FBXL17: variants seen among roughly 807,000 people sequenced by gnomAD.
FBXL17 encodes F-box and leucine rich repeat protein 17.
A neutral mutation model predicts 66.2 loss-of-function variants in FBXL17; 22 were observed. The observed-to-expected ratio is 0.33, with a 90% confidence interval of 0.24 to 0.47. The LOEUF (loss-of-function observed/expected upper bound fraction) is 0.47, where lower values mean the gene tolerates loss of function less well. Ranked by LOEUF, FBXL17 falls within the 20% of genes least tolerant of loss-of-function variation. The pLI, the probability that FBXL17 is intolerant of heterozygous loss-of-function variation, is 1.00. For missense variants in FBXL17, 878 were observed against 948.2 expected, an observed-to-expected ratio of 0.93 and a Z score of 0.97; for synonymous variants, 474 against 400.5, an observed-to-expected ratio of 1.18 and a Z score of -2.19.
chr5:108,079,063 G>T (rs1422794139), intron 6 of FBXL17, among the ~76,000 whole-genome samples: 4 of 151,740 alleles, frequency 2.6e-5, no homozygotes, highest in Non-Finnish European at 5.9e-5. Flanking sequence ...GGTCCAGGCT[G>T]GTCTCAAACT....
intron 6 of FBXL17, among the ~76,000 whole-genome samples, chr5:108,048,183 A>G (rs1179713337): frequency 6.6e-6 from 1 of 152,222 alleles, no homozygotes; most frequent in African/African-American, 2.4e-5. Flanking sequence ...TGAACCCCCA[A>G]CAAACTGAAG....
At chr5:107,985,589 A>G (rs1166943916) in intron 7 of FBXL17, among the ~76,000 whole-genome samples, 1 of 152,174 alleles carries the variant, frequency 6.6e-6, no homozygotes, top group African/African-American at 2.4e-5. Flanking sequence ...TACACTGCTG[A>G]GAAACATAAA....
In FBXL17 at chr5:108,227,070, T is replaced by G. The variant is rs141662457; in HGVS notation, c.1507-2842A>C. Among the ~76,000 whole-genome samples the G allele has an allele frequency of 3.9e-3, 589 of 152,278 alleles. 8 individuals are homozygous for G. Among genetic ancestry groups the G allele is most frequent in the African/African-American group, 0.013 (558 of 41,562 alleles). ...CTCTAGAAAGATATACAGACAGACGTACAGACAATATCCTAATGGTTCTGT... is the reference window on the plus strand; with the variant it reads ...CTCTAGAAAGATATACAGACAGACGGACAGACAATATCCTAATGGTTCTGT... On this transcript the variant is annotated intron_variant, in intron 4 of 8. Coordinates refer to ENST00000542267, the MANE Select transcript of FBXL17 (RefSeq NM_001163315.3).
intron 4 of FBXL17, among the ~76,000 whole-genome samples, chr5:108,230,559 G>A (rs1026797710): frequency 6.6e-6 from 1 of 152,058 alleles, no homozygotes; most frequent in South Asian, 2.1e-4. Context: ...ATGGACTTTG[G>A]AGACTCAGAG....
At chr5:108,310,882 G>A (rs1338089799) in intron 4 of FBXL17, among the ~76,000 whole-genome samples, 1 of 152,160 alleles carries the variant, frequency 6.6e-6, no homozygotes, top group Admixed American at 6.6e-5. Context: ...AAAGTCCACA[G>A]ACAATTTTAC....
chr5:108,378,205 G>A (rs1749578970), intron 1 of FBXL17, among the ~76,000 whole-genome samples: 1 of 150,558 alleles, frequency 6.6e-6, no homozygotes, highest in Admixed American at 6.6e-5. Context: ...ATATAGTTTA[G>A]TTTCTCTCCT....
At chr5:107,896,002 C>T (rs1749369700) in intron 7 of FBXL17, among the ~76,000 whole-genome samples, 1 of 152,164 alleles carries the variant, frequency 6.6e-6, no homozygotes, top group Admixed American at 6.5e-5. Flanking sequence ...GGCTCATCAA[C>T]ATGGTCTGTC....
intron 8 of FBXL17, chr5:107,878,247 T>C: frequency 1.0e-6 from 1 of 964,308 alleles, no homozygotes; most frequent in Non-Finnish European, 1.2e-6. Context: ...TTTTTTCCTT[T>C]CTTTTTAATT....
chr5:108,381,955 G>A lies in FBXL17; in HGVS notation c.-264C>T. The stretch of plus-strand genomic sequence containing the variant: ...GCGAGCTTTGGGGACGCGAGGGAGG[G>A]AGCGAGCGAGCCTGCCGGCTAGGCG... On this transcript the variant is annotated 5_prime_UTR_variant, in exon 1 of 9. Coordinates refer to ENST00000542267, the MANE Select transcript of FBXL17 (RefSeq NM_001163315.3). 1.6e-6 allele frequency: 2 copies of A among 1,236,154 alleles called. No homozygotes were observed. Among genetic ancestry groups the A allele is most frequent in the Non-Finnish European group, 1.0e-6 (1 of 987,698 alleles). The allele number at this position is 1,236,154 out of a possible 1,614,324, so 76.6% of individuals were successfully genotyped here.
chr5:108,094,817 T>G (rs75882059), intron 6 of FBXL17, among the ~76,000 whole-genome samples: 2,584 of 151,140 alleles, frequency 0.017, 76 homozygotes, highest in African/African-American at 0.06. Context: ...AAAATAAAAA[T>G]GACTTTAGAA....
intron 8 of FBXL17, chr5:107,879,139 A>G (rs1392471622): frequency 2.0e-6 from 2 of 985,130 alleles, no homozygotes; most frequent in Admixed American, 6.1e-5. Flanking sequence ...GTAACATACA[A>G]CTTCTACAGT....
intron 8 of FBXL17, among the ~76,000 whole-genome samples, chr5:107,865,680 A>G (rs1418248314): frequency 1.3e-5 from 2 of 152,202 alleles, no homozygotes; most frequent in Non-Finnish European, 2.9e-5. Context: ...TGTAAATTCT[A>G]GGAAACAAAG....
chr5:108,016,622 C>G (rs1754395985), intron 7 of FBXL17, among the ~76,000 whole-genome samples: 1 of 152,048 alleles, frequency 6.6e-6, no homozygotes, highest in South Asian at 2.1e-4. Flanking sequence ...TCATCCATCC[C>G]GTTCAGTACA....
intron 7 of FBXL17, among the ~76,000 whole-genome samples, chr5:107,907,629 G>A (rs1253395677): frequency 6.6e-6 from 1 of 152,064 alleles, no homozygotes; most frequent in Non-Finnish European, 1.5e-5. Flanking sequence ...CAAAAAGTGG[G>A]CAAAGGACAT....
chr5:108,062,139 T>C (rs1032450890), intron 6 of FBXL17, among the ~76,000 whole-genome samples: 7 of 152,034 alleles, frequency 4.6e-5, no homozygotes, highest in African/African-American at 1.7e-4. Flanking sequence ...GTTGCGAAAC[T>C]TGTGGTTTAA....
At chr5:108,196,730 T>C (rs1434492383) in intron 5 of FBXL17, among the ~76,000 whole-genome samples, 1 of 152,210 alleles carries the variant, frequency 6.6e-6, no homozygotes, top group Non-Finnish European at 1.5e-5. Flanking sequence ...GCTCTGCGGC[T>C]ACATGCTTTT....
chr5:108,280,791 G>A (rs1757672180), intron 4 of FBXL17, among the ~76,000 whole-genome samples: 1 of 149,320 alleles, frequency 6.7e-6, no homozygotes. Flanking sequence ...TACCTATAAA[G>A]ACACATAAAA....
intron 6 of FBXL17, among the ~76,000 whole-genome samples, chr5:108,071,506 C>A (rs1421200299): frequency 6.6e-6 from 1 of 152,182 alleles, no homozygotes; most frequent in East Asian, 1.9e-4. Context: ...CAATCCAGAT[C>A]TAAGTTGACA....
At position 107,993,865 on chromosome 5, in the gene FBXL17, A is replaced by C. The variant is rs190482047; in HGVS notation, c.1822+27060T>G. ...ATATCTGATAATGCCACAGCTAACCAATTTTTGAATAGAGCCTATGTTACC... is the reference window on the plus strand; with the variant it reads ...ATATCTGATAATGCCACAGCTAACCCATTTTTGAATAGAGCCTATGTTACC... On this transcript the variant is annotated intron_variant, in intron 7 of 8. Coordinates refer to ENST00000542267, the MANE Select transcript of FBXL17 (RefSeq NM_001163315.3). Among the ~76,000 whole-genome samples the C allele has an allele frequency of 1.4e-4, 21 of 152,296 alleles. No homozygotes were observed. In the East Asian group the frequency reaches 3.5e-3, roughly 25 times the overall value.
Sources: allele counts gnomAD v4.1 joint callset (sites outside exome capture counted in the v4.1 genomes callset), GRCh38; gene constraint gnomAD v4.1.1; transcripts MANE v1.5; gene names NCBI Gene and HGNC (gene_info 2026-07-23, HGNC 2026-07-21).